ERC2: variants seen among roughly 807,000 people sequenced by gnomAD.
The protein encoded by ERC2 is ERC protein 2.
Under a neutral mutation model 114.8 loss-of-function variants are expected in ERC2, and 42 were observed. The observed-to-expected ratio is 0.37, with a 90% confidence interval of 0.29 to 0.47. ERC2 has a LOEUF of 0.47. Among genes scored for constraint, ERC2 ranks in the 20% least tolerant of loss-of-function variants. The pLI is 0.99. For synonymous variants in ERC2, 454 were observed against 425.5 expected (o/e 1.07, Z -0.82); for missense variants, 939 against 1,150.7 (o/e 0.82, Z 2.66).
In ERC2 at chr3:56,296,124, C is replaced by T; in HGVS notation, c.969G>A (p.Glu323=). ...TCCGCCGCGTTCGCTCATTGTCATC[C>T]TCCAGGCTTTTGGATGGCAAGCCTT... ...QSKGLPSKSL[E]DDNERTRRMA... is the part of the protein sequence containing the mutation. The change falls in exon 3 of 18, where the codon GAG becomes GAA. Residue 323 remains glutamate (E), a synonymous_variant. Transcript: ENST00000288221. 1 of 1,614,034 alleles carries T rather than the reference C, an allele frequency of 6.2e-7. No individual in the cohort carries two copies.
At position 55,757,730 on chromosome 3, in the gene ERC2, C is replaced by T. The variant is rs1248919518; in HGVS notation, c.2565-22812G>A. 3.9e-5 allele frequency among the ~76,000 whole-genome samples: 6 copies of T among 152,010 alleles called. No homozygotes were observed. The South Asian group carries it at 1.0e-3, about 26-fold the overall frequency. ...GAGTTATAAACCTATAAATATTGTTCACTTTGAACATCCTAATAATTTAGG... is the reference window on the plus strand; with the variant it reads ...GAGTTATAAACCTATAAATATTGTTTACTTTGAACATCCTAATAATTTAGG... On this transcript the variant is annotated intron_variant, in intron 14 of 17. Transcript: ENST00000288221.
At chr3:55,887,257 G>GA (rs1240201668) in intron 14 of ERC2, among the ~76,000 whole-genome samples, 3 of 152,004 alleles carry the variant, frequency 2.0e-5, no homozygotes, top group South Asian at 2.1e-4. Context: ...GTTTATATGT[G>GA]AAAAAAACCC....
chr3:56,123,632 G>T (rs1279290620), intron 6 of ERC2, among the ~76,000 whole-genome samples: 1 of 152,086 alleles, frequency 6.6e-6, no homozygotes, highest in Non-Finnish European at 1.5e-5. Context: ...TGTCTGCAAT[G>T]GCCTCGCAGC....
intron 15 of ERC2, among the ~76,000 whole-genome samples, chr3:55,714,732 G>A (rs2064010848): frequency 7.4e-6 from 1 of 134,628 alleles, no homozygotes; most frequent in African/African-American, 2.7e-5. Context: ...ACAGAAAGAT[G>A]AGCACCAACC....
intron 6 of ERC2, among the ~76,000 whole-genome samples, chr3:56,102,118 A>C (rs1484043816): frequency 6.6e-6 from 1 of 152,116 alleles, no homozygotes; most frequent in Admixed American, 6.6e-5. Flanking sequence ...CCTTTGCTTC[A>C]CTTATGACAG....
chr3:55,872,865 T>C (rs1008760511), intron 14 of ERC2, among the ~76,000 whole-genome samples: 6 of 152,100 alleles, frequency 3.9e-5, no homozygotes, highest in African/African-American at 1.2e-4. Context: ...GGGCCACAGG[T>C]CCAAGGTGAG....
At chr3:56,348,491 A>G (rs1265853655) in intron 2 of ERC2, among the ~76,000 whole-genome samples, 1 of 147,028 alleles carries the variant, frequency 6.8e-6, no homozygotes, top group Non-Finnish European at 1.5e-5. Context: ...ATTTTTATTT[A>G]TAAATATATA....
intron 17 of ERC2, among the ~76,000 whole-genome samples, chr3:55,581,352 TG>T (rs1457173295): frequency 6.6e-6 from 1 of 152,204 alleles, no homozygotes; most frequent in African/African-American, 2.4e-5. Context: ...GTGAGACATC[TG>T]GGGGTCATCC....
chr3:56,171,348 G>A (rs2082655931), intron 4 of ERC2, among the ~76,000 whole-genome samples: 2 of 152,344 alleles, frequency 1.3e-5, no homozygotes, highest in South Asian at 2.1e-4. Flanking sequence ...ATTTAGGTAT[G>A]TTGAGGATAG....
intron 14 of ERC2, among the ~76,000 whole-genome samples, chr3:55,784,062 T>A (rs960900437): frequency 6.6e-6 from 1 of 152,248 alleles, no homozygotes; most frequent in Non-Finnish European, 1.5e-5. Context: ...TTATAGTAGA[T>A]GAAATTATGT....
At chr3:56,411,228 A>T (rs528660682) in intron 2 of ERC2, among the ~76,000 whole-genome samples, 11 of 151,536 alleles carry the variant, frequency 7.3e-5, no homozygotes, top group Middle Eastern at 3.4e-3. Flanking sequence ...ATCTCTGAAA[A>T]TCTCTCATAA....
intron 12 of ERC2, among the ~76,000 whole-genome samples, chr3:55,979,538 T>C (rs1046167394): frequency 6.6e-6 from 1 of 152,182 alleles, no homozygotes; most frequent in Non-Finnish European, 1.5e-5. Context: ...ATCACACACT[T>C]TACACCTTTC....
At chr3:55,812,226 CT>C (rs2059745456) in intron 14 of ERC2, among the ~76,000 whole-genome samples, 3 of 152,152 alleles carry the variant, frequency 2.0e-5, no homozygotes, top group African/African-American at 4.8e-5. Flanking sequence ...ACTTCAAGAC[CT>C]TCAGCAGCTA....
At chr3:55,705,101 T>TGAGGACATGAGGAATGAATG (rs373907913) in intron 15 of ERC2, among the ~76,000 whole-genome samples, 45 of 152,092 alleles carry the variant, frequency 3.0e-4, no homozygotes, top group African/African-American at 9.9e-4. Flanking sequence ...CAAAGATGAA[T>TGAGGACATGAGGAATGAATG]AGGACATGAG....
intron 13 of ERC2, among the ~76,000 whole-genome samples, chr3:55,944,741 GC>G (rs2067020018): frequency 6.6e-6 from 1 of 152,188 alleles, no homozygotes; most frequent in Non-Finnish European, 1.5e-5. Context: ...TTCTGAGACC[GC>G]CTACAGGGGC....
Position 56,413,441 on chromosome 3 carries a change from G to A in ERC2, c.657+20910C>T, listed in dbSNP as rs558595485. Among the ~76,000 whole-genome samples, 4 of 152,274 alleles carry A rather than the reference G, an allele frequency of 2.6e-5. No homozygotes were observed. The East Asian group carries it at 7.7e-4, about 29-fold the overall frequency. On this transcript the variant is annotated intron_variant, in intron 2 of 17. Coordinates refer to ENST00000288221, the MANE Select transcript of ERC2 (RefSeq NM_015576.3). Reference sequence around the variant, plus strand: ...GCGCACAGCAGGTATGGCCATCTTGGGTCCTGGGAATGGAGGGAGTAGCAA... The same window carrying A: ...GCGCACAGCAGGTATGGCCATCTTGAGTCCTGGGAATGGAGGGAGTAGCAA...
chr3:55,656,838 G>A (rs549088530), intron 17 of ERC2, among the ~76,000 whole-genome samples: 138 of 152,292 alleles, frequency 9.1e-4, no homozygotes, highest in Non-Finnish European at 1.4e-3. Context: ...GGCCTCTAGG[G>A]AAGAAGAGGC....
chr3:55,943,906 G>A (rs968195353), intron 13 of ERC2, among the ~76,000 whole-genome samples: 2 of 152,088 alleles, frequency 1.3e-5, no homozygotes, highest in Non-Finnish European at 2.9e-5. Flanking sequence ...CTCTAGAACT[G>A]AGCATAGCAT....
chr3:55,798,747 G>A (rs2070731119), intron 14 of ERC2, among the ~76,000 whole-genome samples: 1 of 152,002 alleles, frequency 6.6e-6, no homozygotes, highest in African/African-American at 2.4e-5. Context: ...CCCCAAATTG[G>A]GTGAATCAAG....
Sources: gnomAD v4.1 joint callset for allele counts (sites outside exome capture counted in the v4.1 genomes callset) on GRCh38, gnomAD v4.1.1 for gene constraint, MANE v1.5 for transcripts, NCBI Gene and HGNC (gene_info 2026-07-23, HGNC 2026-07-21) for gene names.